Variants in MYCBP2 observed in about 807,000 individuals in gnomAD.
The protein encoded by MYCBP2 is MYC binding protein 2, also known as E3 ubiquitin-protein ligase MYCBP2.
In MYCBP2, 120 loss-of-function variants were observed where a neutral mutation model predicts 525.3. The ratio of observed to expected loss-of-function variants is 0.23; its 90% confidence interval spans 0.20 to 0.27. MYCBP2 has a LOEUF of 0.27. Ranked by LOEUF, MYCBP2 falls within the 10% of genes least tolerant of loss-of-function variation. The probability of loss-of-function intolerance (pLI) is 1.00; values close to 1 mark genes in which losing one functional copy is unlikely to be tolerated. For synonymous variants in MYCBP2, 1,894 were observed against 1,955.8 expected, an observed-to-expected ratio of 0.97 and a Z score of 0.83; for missense variants, 4,149 against 5,657.1, an observed-to-expected ratio of 0.73 and a Z score of 8.55.
At chr13:77,284,769 C>T (rs1304805500) in intron 3 of MYCBP2, among the ~76,000 whole-genome samples, 1 of 152,162 alleles carries the variant, frequency 6.6e-6, no homozygotes, top group African/African-American at 2.4e-5. Context: ...CTTCTTTCTG[C>T]CAGGTACTGT....
At chr13:77,145,642 T>C (rs1225855414) in intron 48 of MYCBP2, among the ~76,000 whole-genome samples, 1 of 152,112 alleles carries the variant, frequency 6.6e-6, no homozygotes, top group African/African-American at 2.4e-5. Flanking sequence ...CAAAGTATAA[T>C]GCATCTAATT....
intron 82 of MYCBP2, among the ~76,000 whole-genome samples, chr13:77,047,150 T>C (rs1305452028): frequency 6.6e-6 from 1 of 152,102 alleles, no homozygotes; most frequent in African/African-American, 2.4e-5. Flanking sequence ...AACATGGTGG[T>C]GAGAAATAAA....
At chr13:77,120,086 A>T (rs1225976828) in intron 55 of MYCBP2, among the ~76,000 whole-genome samples, 1 of 152,208 alleles carries the variant, frequency 6.6e-6, no homozygotes, top group East Asian at 1.9e-4. Flanking sequence ...CAGTTTAAAG[A>T]CTGAAAGCAT....
chr13:77,138,486 G>C (rs967414647), intron 52 of MYCBP2, among the ~76,000 whole-genome samples: 2 of 152,110 alleles, frequency 1.3e-5, no homozygotes, highest in African/African-American at 4.8e-5. Flanking sequence ...TTTTACCCGT[G>C]CTATTTATTA....
intron 23 of MYCBP2, among the ~76,000 whole-genome samples, chr13:77,210,831 C>T (rs1174183799): frequency 6.6e-6 from 1 of 152,118 alleles, no homozygotes; most frequent in Non-Finnish European, 1.5e-5. Flanking sequence ...ATAGCAAACA[C>T]TTATATGGCA....
intron 17 of MYCBP2, among the ~76,000 whole-genome samples, chr13:77,240,009 T>C (rs75800789): frequency 0.029 from 4,488 of 152,290 alleles, 95 homozygotes; most frequent in East Asian, 0.052. Context: ...TAAACTCACC[T>C]GTCAGGAAAA....
intron 44 of MYCBP2, among the ~76,000 whole-genome samples, chr13:77,159,877 C>G (rs2057678033): frequency 6.6e-6 from 1 of 152,026 alleles, no homozygotes; most frequent in African/African-American, 2.4e-5. Context: ...AGAATGTTGC[C>G]TGACACATAT....
intron 1 of MYCBP2, among the ~76,000 whole-genome samples, chr13:77,314,428 A>T (rs2080672761): frequency 6.6e-6 from 1 of 152,238 alleles, no homozygotes; most frequent in South Asian, 2.1e-4. Context: ...ATGGTGGATT[A>T]TTCAGTGGTA....
intron 55 of MYCBP2, among the ~76,000 whole-genome samples, chr13:77,104,235 TA>T (rs960282735): frequency 3.3e-5 from 5 of 152,142 alleles, no homozygotes; most frequent in Non-Finnish European, 5.9e-5. Context: ...ACACTTTTCT[TA>T]AAAAAAGTGC....
intron 42 of MYCBP2, among the ~76,000 whole-genome samples, chr13:77,165,009 T>C (rs895276952): frequency 6.6e-6 from 1 of 152,156 alleles, no homozygotes; most frequent in Non-Finnish European, 1.5e-5. Context: ...AAATTTAGAA[T>C]TGCACACCCC....
At chr13:77,097,276 A>G (rs1417226156) in intron 56 of MYCBP2, 94 bp downstream of exon 56, 7 of 1,486,150 alleles carry the variant, frequency 4.7e-6, no homozygotes, top group African/African-American at 1.4e-5. Context: ...TAAATTCCCT[A>G]TCCTTTGACA....
intron 1 of MYCBP2, among the ~76,000 whole-genome samples, chr13:77,317,429 C>A (rs779657577): frequency 6.6e-6 from 1 of 152,220 alleles, no homozygotes. Flanking sequence ...CCAGGTGATT[C>A]ACAGAGTGAT....
At chr13:77,117,492 C>A (rs897485466) in intron 55 of MYCBP2, among the ~76,000 whole-genome samples, 1 of 152,044 alleles carries the variant, frequency 6.6e-6, no homozygotes. Context: ...TTTTACATGA[C>A]CCTAATAACA....
chr13:77,195,292 T>G (rs73241450), intron 26 of MYCBP2, among the ~76,000 whole-genome samples: 3,063 of 152,242 alleles, frequency 0.02, 54 homozygotes, highest in Middle Eastern at 0.068. Flanking sequence ...TCACCTAATC[T>G]CTTAGATAAA....
intron 17 of MYCBP2, among the ~76,000 whole-genome samples, chr13:77,241,767 ATT>A (rs898060192): frequency 6.6e-6 from 1 of 152,166 alleles, no homozygotes; most frequent in African/African-American, 2.4e-5. Flanking sequence ...ATGTTTTACA[ATT>A]TAAGTTTAGT....
intron 14 of MYCBP2, among the ~76,000 whole-genome samples, chr13:77,254,840 T>G (rs906543315): frequency 6.6e-6 from 1 of 151,784 alleles, no homozygotes; most frequent in Non-Finnish European, 1.5e-5. Flanking sequence ...TTCCCATATA[T>G]GAGTGATATT....
chr13:77,201,479 A>T (rs1008776641), intron 26 of MYCBP2, among the ~76,000 whole-genome samples: 1 of 152,216 alleles, frequency 6.6e-6, no homozygotes, highest in Non-Finnish European at 1.5e-5. Flanking sequence ...CATCAGACAG[A>T]TCAACAAGAC....
intron 39 of MYCBP2, 62 bp downstream of exon 39, chr13:77,169,552 A>C (rs1424794825): frequency 2.1e-6 from 3 of 1,418,928 alleles, no homozygotes; most frequent in African/African-American, 1.4e-5. Flanking sequence ...CAAGACACAA[A>C]GTCTTTTTTT....
chr13:77,310,719 T>C (rs537834990), intron 1 of MYCBP2, among the ~76,000 whole-genome samples: 28 of 151,998 alleles, frequency 1.8e-4, no homozygotes, highest in Non-Finnish European at 2.1e-4. Flanking sequence ...CACACAGATC[T>C]AACAAACTGA....
Sources: gnomAD v4.1 joint callset for allele counts (sites outside exome capture counted in the v4.1 genomes callset) on GRCh38, gnomAD v4.1.1 for gene constraint, MANE v1.5 for transcripts, NCBI Gene and HGNC (gene_info 2026-07-23, HGNC 2026-07-21) for gene names.